The following ASTN2 variants were observed in gnomAD, a reference collection of about 807,000 sequenced individuals.
The protein encoded by ASTN2 is astrotactin 2.
ASTN2 carries 54 observed loss-of-function variants against 139.8 expected under a neutral mutation model. The ratio of observed to expected loss-of-function variants is 0.39; its 90% CI spans 0.31 to 0.48. The LOEUF (loss-of-function observed/expected upper bound fraction) is 0.48, where lower values mean the gene tolerates loss of function less well. ASTN2 is among the 20% of genes least tolerant of loss of function. The pLI is 0.95. For synonymous variants in ASTN2, 756 were observed against 719.5 expected (o/e 1.05, Z -0.81); for missense variants, 1,565 against 1,725.1 (o/e 0.91, Z 1.64).
At chr9:116,572,679 A>G (rs1332468606) in intron 19 of ASTN2, among the ~76,000 whole-genome samples, 3 of 152,194 alleles carry the variant, frequency 2.0e-5, no homozygotes, top group African/African-American at 7.2e-5. Context: ...TTCCCAATTT[A>G]TGTTTGAGGA....
At chr9:117,336,099 A>T (rs1828875120) in intron 1 of ASTN2, among the ~76,000 whole-genome samples, 1 of 151,660 alleles carries the variant, frequency 6.6e-6, no homozygotes, top group Non-Finnish European at 1.5e-5. Flanking sequence ...ATACACAAAA[A>T]TTTTCCCATT....
chr9:116,706,760 A>ATTTTTT lies in ASTN2; in HGVS notation c.2806+19005_2806+19010dup, dbSNP rs60395133. On this transcript the variant is annotated intron_variant, in intron 16 of 22. Coordinates refer to ENST00000313400, the MANE Select transcript of ASTN2 (RefSeq NM_001365068.1). ...TGCTAACTGACTCTTGCTGGCTAGA[A>ATTTTTT]TTTTTTTTTTTTTTTTTTTTTTTTT... 1.1e-4 allele frequency among the ~76,000 whole-genome samples: 10 copies of ATTTTTT among 88,038 alleles called. 1 individual carries two copies. Among genetic ancestry groups the ATTTTTT allele is most frequent in the Admixed American group, 3.0e-4 (2 of 6,738 alleles). 57.8% of individuals were successfully genotyped at this position (88,038 alleles called of 152,430 possible).
intron 1 of ASTN2, among the ~76,000 whole-genome samples, chr9:117,392,696 G>C (rs1015922675): frequency 6.6e-6 from 1 of 152,170 alleles, no homozygotes; most frequent in Non-Finnish European, 1.5e-5. Flanking sequence ...AATTTTAGAA[G>C]GGATAGTCTC....
intron 1 of ASTN2, among the ~76,000 whole-genome samples, chr9:117,312,810 T>TAG (rs1019901510): frequency 1.7e-4 from 26 of 152,138 alleles, no homozygotes; most frequent in African/African-American, 6.0e-4. Flanking sequence ...AAGGATCAGA[T>TAG]GTCTAAGGCT....
chr9:117,190,257 AATT>A (rs1831310583), intron 3 of ASTN2, among the ~76,000 whole-genome samples: 2 of 152,220 alleles, frequency 1.3e-5, no homozygotes, highest in South Asian at 4.1e-4. Context: ...GAAATTTTCC[AATT>A]TATATATATT....
intron 1 of ASTN2, among the ~76,000 whole-genome samples, chr9:117,400,281 C>G (rs898461682): frequency 6.6e-6 from 1 of 152,208 alleles, no homozygotes; most frequent in African/African-American, 2.4e-5. Flanking sequence ...ACTTGAAAAA[C>G]CTGTTTGGTT....
chr9:117,370,404 G>A (rs1829958996), intron 1 of ASTN2, among the ~76,000 whole-genome samples: 1 of 152,148 alleles, frequency 6.6e-6, no homozygotes, highest in Admixed American at 6.5e-5. Context: ...AGCTGTTGTT[G>A]AGTCCTCAGG....
chr9:117,145,834 T>C (rs1830182017), intron 3 of ASTN2, among the ~76,000 whole-genome samples: 1 of 152,178 alleles, frequency 6.6e-6, no homozygotes, highest in Non-Finnish European at 1.5e-5. Flanking sequence ...TTTTTTTTCA[T>C]GGCTCTGACA....
At chr9:116,797,259 T>C (rs781001288) in intron 13 of ASTN2, among the ~76,000 whole-genome samples, 43 of 152,198 alleles carry the variant, frequency 2.8e-4, no homozygotes, top group Admixed American at 1.0e-3. Flanking sequence ...GCTTTTTATA[T>C]GTCAATTATA....
chr9:117,211,558 C>T (rs1832129313), intron 3 of ASTN2, among the ~76,000 whole-genome samples: 1 of 152,132 alleles, frequency 6.6e-6, no homozygotes, highest in Non-Finnish European at 1.5e-5. Context: ...TGTAAGTTTC[C>T]TGAGGCCTCC....
chr9:116,629,512 T>C (rs979203400), intron 17 of ASTN2, among the ~76,000 whole-genome samples: 3 of 152,164 alleles, frequency 2.0e-5, no homozygotes, highest in Admixed American at 1.3e-4. Flanking sequence ...AGGGTCTATT[T>C]TGGACTCAAC....
At chr9:117,320,112 G>A (rs1277365823) in intron 1 of ASTN2, among the ~76,000 whole-genome samples, 3 of 152,172 alleles carry the variant, frequency 2.0e-5, no homozygotes, top group African/African-American at 4.8e-5. Flanking sequence ...AGTGAGGAGA[G>A]GCATTGATCT....
chr9:117,086,050 T>C (rs1435714229), intron 5 of ASTN2, among the ~76,000 whole-genome samples: 23 of 152,200 alleles, frequency 1.5e-4, no homozygotes, highest in Non-Finnish European at 3.1e-4. Context: ...AAATCATGCA[T>C]TTAGACAGGA....
intron 11 of ASTN2, among the ~76,000 whole-genome samples, chr9:116,842,157 G>A (rs1328774630): frequency 6.6e-6 from 1 of 152,182 alleles, no homozygotes. Flanking sequence ...AGTTATCGGA[G>A]GACTTTGGTG....
intron 7 of ASTN2, among the ~76,000 whole-genome samples, chr9:116,998,505 C>T (rs1837085143): frequency 6.7e-6 from 1 of 150,158 alleles, no homozygotes; most frequent in African/African-American, 2.5e-5. Flanking sequence ...CTACACCTTA[C>T]TCATTGAACA....
intron 7 of ASTN2, among the ~76,000 whole-genome samples, chr9:117,000,987 C>T (rs1837176203): frequency 6.6e-6 from 1 of 152,164 alleles, no homozygotes. Context: ...AGAGTCATCC[C>T]TGTGGGTGGC....
At chr9:116,858,602 A>G (rs1208513301) in intron 11 of ASTN2, among the ~76,000 whole-genome samples, 2 of 152,108 alleles carry the variant, frequency 1.3e-5, no homozygotes, top group Non-Finnish European at 2.9e-5. Flanking sequence ...TACATTTCAA[A>G]CTGTGCCTTG....
intron 6 of ASTN2, among the ~76,000 whole-genome samples, chr9:117,036,851 G>A (rs1162841724): frequency 2.6e-5 from 4 of 152,180 alleles, no homozygotes; most frequent in Admixed American, 6.5e-5. Context: ...AGATCTGTTA[G>A]TATGAAAACT....
intron 19 of ASTN2, among the ~76,000 whole-genome samples, chr9:116,489,802 T>G (rs1211854064): frequency 6.6e-6 from 1 of 152,142 alleles, no homozygotes; most frequent in Non-Finnish European, 1.5e-5. Flanking sequence ...ATGGGTACTG[T>G]TTCTTGGTTT....
Sources: gnomAD v4.1 joint callset for allele counts (sites outside exome capture counted in the v4.1 genomes callset) on GRCh38, gnomAD v4.1.1 for gene constraint, MANE v1.5 for transcripts, NCBI Gene and HGNC (gene_info 2026-07-23, HGNC 2026-07-21) for gene names.